Variants in FANCC observed in about 807,000 individuals in gnomAD.
The protein encoded by FANCC is Fanconi anemia group C protein.
Under a neutral mutation model 71.3 loss-of-function variants are expected in FANCC, and 55 were observed. The observed-to-expected ratio is 0.77, with a 90% CI of 0.62 to 0.97. The LOEUF (loss-of-function observed/expected upper bound fraction) is 0.97. FANCC is among the 50% of genes least tolerant of loss of function. The probability of loss-of-function intolerance (pLI) is 0.00; values close to 1 mark genes in which losing one functional copy is unlikely to be tolerated. For missense variants in FANCC, 678 were observed against 670.9 expected (o/e 1.01, Z -0.12); for synonymous variants, 275 against 244.9 (o/e 1.12, Z -1.15).
intron 1 of FANCC, among the ~76,000 whole-genome samples, chr9:95,262,193 T>C (rs906886617): frequency 6.6e-6 from 1 of 151,904 alleles, no homozygotes; most frequent in Non-Finnish European, 1.5e-5. Context: ...ACCTCAGGAC[T>C]AAAGGTTCCT....
At chr9:95,301,480 T>G (rs1834729671) in intron 1 of FANCC, among the ~76,000 whole-genome samples, 1 of 151,924 alleles carries the variant, frequency 6.6e-6, no homozygotes. Flanking sequence ...CAGGCTGGAG[T>G]GCAGTGGCAT....
chr9:95,139,632 G>A (rs1828283371), intron 7 of FANCC, among the ~76,000 whole-genome samples: 1 of 151,706 alleles, frequency 6.6e-6, no homozygotes, highest in South Asian at 2.1e-4. Context: ...TAAAAAGCAG[G>A]CTCTGGAGTG....
chr9:95,120,482 A>G (rs1387444602), intron 10 of FANCC, among the ~76,000 whole-genome samples: 1 of 150,214 alleles, frequency 6.7e-6, no homozygotes, highest in Non-Finnish European at 1.5e-5. Context: ...TGGTGTGATC[A>G]TGGCTCACTG....
chr9:95,171,169 T>G (rs755445973), intron 5 of FANCC, 26 bp from the exon 6 acceptor site: 5 of 1,566,400 alleles, frequency 3.2e-6, no homozygotes. Flanking sequence ...AGTTGCAGGT[T>G]AACTCACGCT....
chr9:95,298,560 T>C (rs1308773715), intron 1 of FANCC, among the ~76,000 whole-genome samples: 1 of 152,022 alleles, frequency 6.6e-6, no homozygotes, highest in South Asian at 2.1e-4. Flanking sequence ...CCAAGGACAA[T>C]AGAGATATGG....
At chr9:95,172,012 A>G (rs1291154288) in intron 5 of FANCC, 25 bp downstream of exon 5, 3 of 1,394,824 alleles carry the variant, frequency 2.2e-6, no homozygotes. Context: ...AAACATTTCA[A>G]AAGTGATAAA....
At chr9:95,197,453 T>C (rs1827527338) in intron 4 of FANCC, among the ~76,000 whole-genome samples, 1 of 152,164 alleles carries the variant, frequency 6.6e-6, no homozygotes, top group Non-Finnish European at 1.5e-5. Flanking sequence ...GTTGGAGGAC[T>C]GCTTGGGTCT....
chr9:95,191,038 G>A (rs962694141), intron 4 of FANCC, among the ~76,000 whole-genome samples: 6 of 152,014 alleles, frequency 3.9e-5, no homozygotes, highest in Non-Finnish European at 7.4e-5. Flanking sequence ...CTATGCTGAG[G>A]TCTTCTGTCA....
intron 1 of FANCC, among the ~76,000 whole-genome samples, chr9:95,281,433 T>C (rs1478572600): frequency 1.3e-5 from 2 of 152,048 alleles, no homozygotes; most frequent in East Asian, 3.8e-4. Context: ...ATATTACACC[T>C]ACCAAAGCTG....
chr9:95,128,181 T>C (rs117377937), intron 8 of FANCC, among the ~76,000 whole-genome samples: 67 of 152,286 alleles, frequency 4.4e-4, no homozygotes, highest in Non-Finnish European at 8.4e-4. Context: ...GGTCACCGGA[T>C]ATAAGCACGG....
chr9:95,104,981 G>GC (rs2071330278), intron 14 of FANCC, among the ~76,000 whole-genome samples: 1 of 152,222 alleles, frequency 6.6e-6, no homozygotes, highest in African/African-American at 2.4e-5. Flanking sequence ...TCAGTGTAAA[G>GC]CCCTCTAGGT....
rs539308774 is a variant in FANCC at position 95,218,315 on chromosome 9, A to G, written c.345+22334T>C. Among the ~76,000 whole-genome samples, 4 of 152,244 alleles carry G rather than the reference A, an allele frequency of 2.6e-5. No individual in the cohort carries two copies. In the South Asian group the frequency reaches 8.3e-4, roughly 32 times the overall value. On this transcript the variant is annotated intron_variant, in intron 4 of 14. Transcript: ENST00000289081. ...CCTCGTTGCCATAAAAAATTTCAAA[A>G]TTAGCCAGCTGCAGAGGTACATGCC...
intron 4 of FANCC, among the ~76,000 whole-genome samples, chr9:95,238,343 C>G (rs191429966): frequency 6.6e-6 from 1 of 152,160 alleles, no homozygotes; most frequent in Non-Finnish European, 1.5e-5. Flanking sequence ...CTAAGTGTAT[C>G]GACATTTAAT....
At chr9:95,123,464 AC>A (rs1310068884) in intron 10 of FANCC, 2 of 461,388 alleles carry the variant, frequency 4.3e-6, no homozygotes, top group Admixed American at 2.3e-5. Context: ...ACATGGTGAA[AC>A]CCCATCTCTA....
intron 6 of FANCC, among the ~76,000 whole-genome samples, chr9:95,162,551 C>A (rs1830814150): frequency 6.6e-6 from 1 of 152,130 alleles, no homozygotes; most frequent in African/African-American, 2.4e-5. Context: ...ATAGTGACTG[C>A]ACTAGTTTAA....
chr9:95,150,691 G>A (rs950738444), intron 6 of FANCC, among the ~76,000 whole-genome samples: 5 of 152,200 alleles, frequency 3.3e-5, no homozygotes, highest in African/African-American at 1.2e-4. Context: ...ACCTCATGTA[G>A]AGAATAAGCA....
intron 1 of FANCC, chr9:95,293,530 A>C (rs1588429425): frequency 3.7e-6 from 6 of 1,606,352 alleles, no homozygotes; most frequent in Middle Eastern, 1.7e-4. Context: ...AATACTTTAC[A>C]AGAACTAGGG....
chr9:95,149,059 T>C (rs1829936082), intron 7 of FANCC, among the ~76,000 whole-genome samples: 1 of 152,104 alleles, frequency 6.6e-6, no homozygotes, highest in Non-Finnish European at 1.5e-5. Context: ...AAAACAATGC[T>C]GCTTTTGTCA....
In FANCC at chr9:95,107,108, C is replaced by G. The variant is rs576831650; in HGVS notation, c.1491G>C (p.Trp497Cys). 1 of 1,614,178 alleles carries G rather than the reference C, an allele frequency of 6.2e-7. No homozygotes were observed. Among genetic ancestry groups the G allele is most frequent in the South Asian group, 1.1e-5 (1 of 91,080 alleles). Residue 497 changes from tryptophan (W) to cysteine (C), a missense_variant, in exon 14 of 15, where the codon TGG (tryptophan) becomes TGC (cysteine). Coordinates refer to ENST00000289081, the MANE Select transcript of FANCC (RefSeq NM_000136.3). ...IRHLLLNFLL[W>C]APGGHTIAWD... Reference sequence around the variant, plus strand: ...AGGCGATCGTGTGGCCTCCAGGAGCCCAGAGCAGGAAGTTGAGGAGAAGGT... The same window carrying G: ...AGGCGATCGTGTGGCCTCCAGGAGCGCAGAGCAGGAAGTTGAGGAGAAGGT...
Sources: gnomAD v4.1 joint callset for allele counts (sites outside exome capture counted in the v4.1 genomes callset) on GRCh38, gnomAD v4.1.1 for gene constraint, MANE v1.5 for transcripts, NCBI Gene and HGNC (gene_info 2026-07-23, HGNC 2026-07-21) for gene names.